CUL1: variants seen among roughly 807,000 people sequenced by gnomAD.
CUL1 encodes the protein cullin 1.
A neutral mutation model predicts 118.0 loss-of-function variants in CUL1; 24 were observed. That is an observed-to-expected ratio of 0.20 (90% CI 0.15 to 0.29). The LOEUF is 0.29. Among genes scored for constraint, CUL1 ranks in the 10% least tolerant of loss-of-function variants. The pLI is 1.00. For synonymous variants in CUL1, 332 were observed against 340.4 expected (o/e 0.98, Z 0.27); for missense variants, 361 against 933.8 (o/e 0.39, Z 7.99).
intron 17 of CUL1, among the ~76,000 whole-genome samples, chr7:148,794,887 A>G (rs369180059): frequency 5.3e-5 from 8 of 152,210 alleles, no homozygotes; most frequent in African/African-American, 1.9e-4. Context: ...GCTGGAGTGC[A>G]GTGGTGCAAT....
intron 9 of CUL1, chr7:148,783,241 C>T (rs1402798522): frequency 1.3e-6 from 1 of 752,814 alleles, no homozygotes; most frequent in East Asian, 1.3e-4. Flanking sequence ...CTGCGCCGCG[C>T]TCCGCCCCTC....
rs370818958 is a variant in CUL1, at chr7:148,788,840, G to A, written c.1597+166G>A. 3.9e-5 allele frequency among the ~76,000 whole-genome samples: 6 copies of A among 152,340 alleles called. No individual in the cohort carries two copies. The East Asian group carries it at 5.8e-4, about 15-fold the overall frequency. On this transcript the variant is annotated intron_variant, in intron 14 of 21. Transcript: ENST00000325222. ...GCCCAGCCCTCCTCCCCCGACTCCC[G>A]TGTGACATTAGGAGATGACAACCCT...
chr7:148,776,306 G>C (rs1800394851), intron 9 of CUL1, among the ~76,000 whole-genome samples: 1 of 33,960 alleles, frequency 2.9e-5, no homozygotes, highest in Non-Finnish European at 5.7e-5. Flanking sequence ...ACATAACCAG[G>C]CTTTTTTTTT....
intron 1 of CUL1, among the ~76,000 whole-genome samples, chr7:148,707,507 T>A (rs1797922735): frequency 6.7e-6 from 1 of 149,562 alleles, no homozygotes; most frequent in East Asian, 1.9e-4. Context: ...AAATAATAAT[T>A]TTTTTTTTAA....
intron 2 of CUL1, among the ~76,000 whole-genome samples, chr7:148,748,149 TAGAAAC>T (rs1799362361): frequency 6.6e-6 from 1 of 152,132 alleles, no homozygotes; most frequent in Admixed American, 6.5e-5. Flanking sequence ...ACCGGAAACA[TAGAAAC>T]AGAGTTAAAA....
At chr7:148,709,119 C>A (rs1275180180) in intron 1 of CUL1, among the ~76,000 whole-genome samples, 3 of 152,182 alleles carry the variant, frequency 2.0e-5, no homozygotes, top group African/African-American at 7.2e-5. Context: ...TTCTAAAAAG[C>A]ATTCTGACGC....
chr7:148,751,797 A>G (rs1158207778), intron 2 of CUL1, among the ~76,000 whole-genome samples: 4 of 152,306 alleles, frequency 2.6e-5, no homozygotes, highest in African/African-American at 7.2e-5. Context: ...GCAAATGTAC[A>G]TATTACAGTT....
intron 2 of CUL1, among the ~76,000 whole-genome samples, chr7:148,732,527 A>G (rs1387834439): frequency 1.3e-5 from 2 of 148,292 alleles, no homozygotes; most frequent in Non-Finnish European, 3.0e-5. Flanking sequence ...TTTTTTTCCT[A>G]GAGACTTTCA....
intron 11 of CUL1, among the ~76,000 whole-genome samples, chr7:148,784,898 A>G (rs1800766312): frequency 6.6e-6 from 1 of 152,236 alleles, no homozygotes; most frequent in African/African-American, 2.4e-5. Flanking sequence ...AGTTGTAGAA[A>G]TCTTAAGTAA....
intron 1 of CUL1, among the ~76,000 whole-genome samples, chr7:148,729,371 A>C (rs1035484914): frequency 1.2e-4 from 19 of 152,208 alleles, no homozygotes; most frequent in Non-Finnish European, 2.9e-5. Context: ...GTACCTATCT[A>C]GTAGATGTGG....
chr7:148,699,397 C>T (rs577735988), intron 1 of CUL1, among the ~76,000 whole-genome samples: 26 of 152,210 alleles, frequency 1.7e-4, no homozygotes, highest in African/African-American at 6.3e-4. Flanking sequence ...GGAGGGTGGG[C>T]CGACGTGTGG....
intron 1 of CUL1, among the ~76,000 whole-genome samples, chr7:148,715,400 TA>T (rs1798181860): frequency 1.3e-5 from 2 of 152,186 alleles, no homozygotes; most frequent in Admixed American, 6.5e-5. Context: ...TCCTGGCACT[TA>T]CCACAGTCAG....
intron 2 of CUL1, among the ~76,000 whole-genome samples, chr7:148,737,866 G>T (rs753281170): frequency 6.6e-5 from 10 of 152,036 alleles, no homozygotes; most frequent in Non-Finnish European, 1.5e-4. Flanking sequence ...CCAAAGTGCT[G>T]GGATTACAGG....
intron 2 of CUL1, 41 bp from the exon 3 acceptor site, chr7:148,753,935 A>G (rs1226230705): frequency 6.2e-6 from 9 of 1,445,158 alleles, no homozygotes; most frequent in Non-Finnish European, 8.5e-6. Context: ...ATGACCGTTA[A>G]CGTCTGTGAT....
chr7:148,768,124 G>A (rs1210261911), intron 9 of CUL1, among the ~76,000 whole-genome samples: 1 of 152,088 alleles, frequency 6.6e-6, no homozygotes, highest in Admixed American at 6.6e-5. Flanking sequence ...CTGGATAGTA[G>A]CCTCTGGCTG....
intron 1 of CUL1, among the ~76,000 whole-genome samples, chr7:148,706,985 GT>G (rs1563145312): frequency 6.6e-6 from 1 of 152,046 alleles, no homozygotes; most frequent in Non-Finnish European, 1.5e-5. Context: ...ATCTTAATTT[GT>G]TTTGCTGCTG....
At chr7:148,723,789 C>CT (rs3059219) in intron 1 of CUL1, among the ~76,000 whole-genome samples, 13,633 of 145,090 alleles carry the variant, frequency 0.094, 678 homozygotes, top group South Asian at 0.18. Context: ...CAGCACAGAT[C>CT]TTTTTTTTTT....
chr7:148,710,261 G>A (rs1277179760), intron 1 of CUL1, among the ~76,000 whole-genome samples: 2 of 151,660 alleles, frequency 1.3e-5, no homozygotes, highest in Non-Finnish European at 2.9e-5. Flanking sequence ...GGTGCATCTT[G>A]ACTAGGGGCA....
intron 2 of CUL1, among the ~76,000 whole-genome samples, chr7:148,733,802 A>G (rs1798849210): frequency 6.6e-6 from 1 of 152,204 alleles, no homozygotes; most frequent in South Asian, 2.1e-4. Context: ...AACTCTGGCT[A>G]GTAGTTAACA....
Sources: allele counts gnomAD v4.1 joint callset (sites outside exome capture counted in the v4.1 genomes callset), GRCh38; gene constraint gnomAD v4.1.1; transcripts MANE v1.5; gene names NCBI Gene and HGNC (gene_info 2026-07-23, HGNC 2026-07-21).